The following NFATC3 variants were observed in gnomAD, a reference collection of about 807,000 sequenced individuals.
The protein encoded by NFATC3 is nuclear factor of activated T cells 3.
Under a neutral mutation model 98.6 loss-of-function variants are expected in NFATC3, and 46 were observed. That is an observed-to-expected ratio of 0.47 (90% CI 0.37 to 0.60). The LOEUF is 0.60. NFATC3 is among the 20% of genes least tolerant of loss of function. The pLI, the probability that NFATC3 is intolerant of heterozygous loss-of-function variation, is 0.00. For missense variants in NFATC3, 1,256 were observed against 1,295.5 expected (o/e 0.97, Z 0.47); for synonymous variants, 512 against 472.2 (o/e 1.08, Z -1.09).
At chr16:68,180,153 GAA>G (rs1160123256) in intron 6 of NFATC3, among the ~76,000 whole-genome samples, 8 of 152,162 alleles carry the variant, frequency 5.3e-5, no homozygotes, top group Non-Finnish European at 1.0e-4. Context: ...CAGAGACCAT[GAA>G]GTCTAAAATA....
chr16:68,170,180 C>T (rs2039390748), intron 5 of NFATC3, among the ~76,000 whole-genome samples: 1 of 151,962 alleles, frequency 6.6e-6, no homozygotes, highest in African/African-American at 2.4e-5. Context: ...ATCACGACGT[C>T]AAGAGATCGA....
rs759491109 is a variant in NFATC3, at chr16:68,122,925, G to C, written c.1042G>C (p.Ala348Pro). The C allele has an allele frequency of 6.2e-7, 1 of 1,614,168 alleles. No homozygotes were observed. The highest frequency in any genetic ancestry group is 1.3e-5 in the African/African-American group (1 of 75,050). The change falls in exon 2 of 10, where the codon GCT (alanine) becomes CCT (proline). Residue 348 changes from alanine (A) to proline (P), a missense_variant. By Grantham distance (27) the Ala-to-Pro change is conservative (BLOSUM62 -1). Coordinates refer to ENST00000346183, the MANE Select transcript of NFATC3 (RefSeq NM_173165.3). ...LKTRKTSEDQAAILPGKLELC... is the reference protein window; with the variant it reads ...LKTRKTSEDQPAILPGKLELC... The stretch of plus-strand genomic sequence containing the variant: ...AACAAGGAAAACTTCTGAAGATCAA[G>C]CTGCCATACTACCAGGAAAATTAGA...
intron 4 of NFATC3, among the ~76,000 whole-genome samples, chr16:68,166,299 A>G (rs922710248): frequency 6.6e-6 from 1 of 152,204 alleles, no homozygotes; most frequent in African/African-American, 2.4e-5. Context: ...GGGTCACTTA[A>G]GTACCTGGAT....
At chr16:68,193,104 TA>T (rs2040515291) in intron 9 of NFATC3, among the ~76,000 whole-genome samples, 1 of 152,168 alleles carries the variant, frequency 6.6e-6, no homozygotes. Context: ...TTTCTTGTCT[TA>T]TTCCCTAAAC....
At chr16:68,146,592 T>G (rs1403260828) in intron 3 of NFATC3, among the ~76,000 whole-genome samples, 1 of 152,204 alleles carries the variant, frequency 6.6e-6, no homozygotes, top group African/African-American at 2.4e-5. Context: ...AAATTTAATT[T>G]TGTATTTTTA....
chr16:68,129,175 GGATCATTT>G (rs1239653084), intron 3 of NFATC3, among the ~76,000 whole-genome samples: 2 of 152,126 alleles, frequency 1.3e-5, no homozygotes, highest in East Asian at 3.9e-4. Flanking sequence ...TGAAGTGGAA[GGATCATTT>G]GAGCCCAGGA....
rs1408673608 is a variant in NFATC3, at chr16:68,228,576, AT to A, written c.*2109del. 3 of 152,656 alleles carry A rather than the reference AT, an allele frequency of 2.0e-5. No individual in the cohort carries two copies. Among genetic ancestry groups the A allele is most frequent in the African/African-American group, 4.8e-5 (2 of 41,462 alleles). The allele number at this position is 152,656 out of a possible 1,614,324, so 9.5% of individuals were successfully genotyped here. On this transcript the variant is annotated 3_prime_UTR_variant, in exon 10 of 10. Transcript: ENST00000346183. Reference sequence around the variant, plus strand: ...CTTTCCTATTTAAAATAAACATTAAATTTTAAAATAGAGCTTTGTATACTAT... The same window carrying A: ...CTTTCCTATTTAAAATAAACATTAAATTTAAAATAGAGCTTTGTATACTAT...
intron 3 of NFATC3, among the ~76,000 whole-genome samples, chr16:68,137,677 G>A (rs572116427): frequency 7.4e-5 from 11 of 148,394 alleles, no homozygotes; most frequent in Non-Finnish European, 1.2e-4. Flanking sequence ...GCAGTGGCTC[G>A]ATCTCCGCTC....
chr16:68,142,448 G>T (rs554220403), intron 3 of NFATC3, among the ~76,000 whole-genome samples: 1 of 152,210 alleles, frequency 6.6e-6, no homozygotes, highest in South Asian at 2.1e-4. Context: ...ACCTGAGGCT[G>T]CTGATTCATT....
At chr16:68,209,340 A>T (rs2041278472) in intron 9 of NFATC3, 1 of 154,540 alleles carries the variant, frequency 6.5e-6, no homozygotes, top group African/African-American at 2.4e-5. Flanking sequence ...ACTGCACTCC[A>T]GCCTGGGCAA....
At chr16:68,196,771 C>T (rs530253630) in intron 9 of NFATC3, among the ~76,000 whole-genome samples, 1 of 152,256 alleles carries the variant, frequency 6.6e-6, no homozygotes, top group East Asian at 1.9e-4. Flanking sequence ...GTGGCTCACT[C>T]CTGTATCTCA....
At chr16:68,121,925 C>T in intron 1 of NFATC3, 62 bp from the exon 2 acceptor site, 2 of 1,498,858 alleles carry the variant, frequency 1.3e-6, no homozygotes, top group East Asian at 2.3e-5. Context: ...GTAATTTATA[C>T]ATCTGAGTTT....
At chr16:68,212,213 C>A (rs1403654009) in intron 9 of NFATC3, among the ~76,000 whole-genome samples, 1 of 152,174 alleles carries the variant, frequency 6.6e-6, no homozygotes, top group Non-Finnish European at 1.5e-5. Context: ...GGTGAGTGAT[C>A]TCAAATAATA....
At chr16:68,184,626 A>G (rs989464061) in intron 8 of NFATC3, among the ~76,000 whole-genome samples, 23 of 151,842 alleles carry the variant, frequency 1.5e-4, no homozygotes, top group African/African-American at 5.3e-4. Context: ...ACATGGTGAA[A>G]CCCCGTCTCT....
chr16:68,226,581 C>G lies in NFATC3; in HGVS notation c.*110C>G, dbSNP rs1272231958. The stretch of plus-strand genomic sequence containing the variant: ...TCAGGTCTGGGGCCAGGAGTGGGAC[C>G]CACCATTTGTGGGGAAAGTAGCATT... On this transcript the variant is annotated 3_prime_UTR_variant, in exon 10 of 10. Coordinates refer to ENST00000346183, the MANE Select transcript of NFATC3 (RefSeq NM_173165.3). 1 of 1,280,098 alleles carries G rather than the reference C, an allele frequency of 7.8e-7. No homozygotes were observed. Among genetic ancestry groups the G allele is most frequent in the African/African-American group, 1.5e-5 (1 of 64,530 alleles). The allele number at this position is 1,280,098 out of a possible 1,614,324, so 79.3% of individuals were successfully genotyped here.
In NFATC3 at chr16:68,126,617, G is replaced by T; in HGVS notation, c.1401+7G>T. The T allele has an allele frequency of 6.2e-7, 1 of 1,613,854 alleles. No homozygotes were observed. Among genetic ancestry groups the T allele is most frequent in the South Asian group, 1.1e-5 (1 of 91,058 alleles). ...GGGACATCCTGTTGTGAAGGTATGAGACTTTTGGGGCTTGTTTTGCAGATA... is the reference window on the plus strand; with the variant it reads ...GGGACATCCTGTTGTGAAGGTATGATACTTTTGGGGCTTGTTTTGCAGATA... On this transcript the variant is annotated splice_region_variant and intron_variant, in intron 3 of 9. Coordinates refer to ENST00000346183, the MANE Select transcript of NFATC3 (RefSeq NM_173165.3).
intron 1 of NFATC3, 96 bp from the exon 2 acceptor site, chr16:68,121,891 T>G: frequency 7.2e-7 from 1 of 1,383,222 alleles, no homozygotes; most frequent in Non-Finnish European, 9.7e-7. Flanking sequence ...CTCTCGAGAT[T>G]GTTATTATTT....
chr16:68,226,488 C>G lies in NFATC3; in HGVS notation c.*17C>G. The G allele has an allele frequency of 6.8e-7, 1 of 1,475,770 alleles. No individual in the cohort carries two copies. The highest frequency in any genetic ancestry group is 8.9e-7 in the Non-Finnish European group (1 of 1,117,636). 91.4% of individuals were successfully genotyped at this position (1,475,770 alleles called of 1,614,324 possible). A position where few individuals can be genotyped will look rare whatever the true frequency, so the allele number is the denominator to read the frequency against. ...GGGCTCTAACAGTGCTTACTGCAGCCTTGTGTCCACCACCAACTTCTCAGC... is the reference window on the plus strand; with the variant it reads ...GGGCTCTAACAGTGCTTACTGCAGCGTTGTGTCCACCACCAACTTCTCAGC... On this transcript the variant is annotated 3_prime_UTR_variant, in exon 10 of 10. Transcript: ENST00000346183.
At chr16:68,124,258 C>T (rs1567509890) in intron 2 of NFATC3, among the ~76,000 whole-genome samples, 1 of 151,884 alleles carries the variant, frequency 6.6e-6, no homozygotes, top group Non-Finnish European at 1.5e-5. Context: ...TATACCACCA[C>T]ACTCAATTAT....
Sources: allele counts gnomAD v4.1 joint callset (sites outside exome capture counted in the v4.1 genomes callset), GRCh38; gene constraint gnomAD v4.1.1; transcripts MANE v1.5; gene names NCBI Gene and HGNC (gene_info 2026-07-23, HGNC 2026-07-21).